The following GAB1 variants were observed in gnomAD, a reference collection of about 807,000 sequenced individuals.
The protein encoded by GAB1 is GRB2 associated binding protein 1.
A neutral mutation model predicts 66.5 loss-of-function variants in GAB1; 19 were observed. The observed-to-expected ratio is 0.29, with a 90% confidence interval of 0.20 to 0.42. The LOEUF (loss-of-function observed/expected upper bound fraction) is 0.42, where lower values mean the gene tolerates loss of function less well. Ranked by LOEUF, GAB1 falls within the 10% of genes least tolerant of loss-of-function variation. The probability of loss-of-function intolerance (pLI) is 1.00; values close to 1 mark genes in which losing one functional copy is unlikely to be tolerated. For missense variants in GAB1, 732 were observed against 858.5 expected (o/e 0.85, Z 1.84); for synonymous variants, 294 against 301.4 (o/e 0.98, Z 0.25).
At chr4:143,425,335 C>G (rs1451559652) in intron 2 of GAB1, 66 of 772,086 alleles carry the variant, frequency 8.5e-5, no homozygotes, top group South Asian at 8.3e-4. Context: ...GCCACTGGAG[C>G]CAATCCAATT....
chr4:143,439,952 C>T (rs1414277250), intron 5 of GAB1, 65 bp downstream of exon 5: 8 of 1,409,130 alleles, frequency 5.7e-6, no homozygotes, highest in Admixed American at 1.7e-5. Context: ...TAATTAGTGC[C>T]ATGAGACTAA....
rs1470537968 is a variant in GAB1 at position 143,472,680 on chromosome 4, G to C, written c.*3491G>C. 1 of 152,080 alleles carries C rather than the reference G, an allele frequency of 6.6e-6. No individual in the cohort carries two copies. Among genetic ancestry groups the C allele is most frequent in the African/African-American group, 2.4e-5 (1 of 41,414 alleles). 9.4% of individuals were successfully genotyped at this position (152,080 alleles called of 1,614,324 possible). On this transcript the variant is annotated 3_prime_UTR_variant, in exon 10 of 10. Coordinates refer to ENST00000262994, the MANE Select transcript of GAB1 (RefSeq NM_002039.4). ...TGGCCCTCTAATAATGCTGAGGTGGGCTGATCCTTCCCATTTCTGTCTTCG... is the reference window on the plus strand; with the variant it reads ...TGGCCCTCTAATAATGCTGAGGTGGCCTGATCCTTCCCATTTCTGTCTTCG...
At chr4:143,431,216 C>T (rs1733634056) in intron 2 of GAB1, among the ~76,000 whole-genome samples, 1 of 152,152 alleles carries the variant, frequency 6.6e-6, no homozygotes, top group Non-Finnish European at 1.5e-5. Flanking sequence ...CATGAAGCTT[C>T]TAAGGCCTAA....
intron 1 of GAB1, among the ~76,000 whole-genome samples, chr4:143,341,179 T>A (rs1193701053): frequency 6.6e-6 from 1 of 152,240 alleles, no homozygotes; most frequent in East Asian, 1.9e-4. Context: ...TTTCATGCTG[T>A]GTTATATATT....
At position 143,363,065 on chromosome 4, in the gene GAB1, C is replaced by T. The variant is rs543710376; in HGVS notation, c.72+25805C>T. 1.6e-4 allele frequency among the ~76,000 whole-genome samples: 24 copies of T among 152,282 alleles called. No individual in the cohort carries two copies. In the South Asian group the frequency reaches 5.0e-3, roughly 32 times the overall value. On this transcript the variant is annotated intron_variant, in intron 1 of 9. Transcript: ENST00000262994. ...AGGAACTGATGCTCAGAGTAACTTC[C>T]CAAAATCACACAGTGCATATGGCAG...
intron 1 of GAB1, among the ~76,000 whole-genome samples, chr4:143,367,665 A>C (rs976541725): frequency 1.4e-5 from 2 of 145,088 alleles, no homozygotes; most frequent in African/African-American, 5.1e-5. Context: ...ATGTTTTTTG[A>C]TGCCCTATTT....
chr4:143,423,792 GTATATATATATA>G (rs35559967), intron 2 of GAB1, among the ~76,000 whole-genome samples: 10,548 of 67,774 alleles, frequency 0.16, 1,251 homozygotes, highest in African/African-American at 0.29. Context: ...AAAAAAAAGT[GTATATATATATA>G]TATATATATA....
chr4:143,377,312 T>C (rs893454731), intron 1 of GAB1, among the ~76,000 whole-genome samples: 7 of 152,188 alleles, frequency 4.6e-5, no homozygotes, highest in Non-Finnish European at 1.0e-4. Flanking sequence ...CAACAATGCT[T>C]TGATTAGTTC....
At chr4:143,355,068 G>C (rs959903267) in intron 1 of GAB1, among the ~76,000 whole-genome samples, 1 of 152,090 alleles carries the variant, frequency 6.6e-6, no homozygotes, top group African/African-American at 2.4e-5. Context: ...GATTTTCTTC[G>C]AGATTTTTAT....
chr4:143,358,944 T>G (rs1729553432), intron 1 of GAB1, among the ~76,000 whole-genome samples: 2 of 152,234 alleles, frequency 1.3e-5, no homozygotes, highest in African/African-American at 4.8e-5. Context: ...TAGTAAGGTT[T>G]AACTTCTATC....
chr4:143,457,824 G>GT (rs1399699339), intron 6 of GAB1: 4 of 947,922 alleles, frequency 4.2e-6, no homozygotes, highest in African/African-American at 1.8e-5. Flanking sequence ...ATTTTGTAAT[G>GT]TTTTTTGTTT....
chr4:143,423,908 C>A, intron 2 of GAB1, among the ~76,000 whole-genome samples: 1 of 138,164 alleles, frequency 7.2e-6, no homozygotes, highest in Non-Finnish European at 1.5e-5. Flanking sequence ...GTCCTCTTTT[C>A]AGAAAATTGA....
At chr4:143,347,564 C>T (rs1035589543) in intron 1 of GAB1, among the ~76,000 whole-genome samples, 6 of 152,172 alleles carry the variant, frequency 3.9e-5, no homozygotes, top group Non-Finnish European at 4.4e-5. Flanking sequence ...AAATCCTTTC[C>T]GTCAGAGTGA....
intron 1 of GAB1, among the ~76,000 whole-genome samples, chr4:143,338,139 T>C (rs979845994): frequency 3.3e-5 from 5 of 152,238 alleles, no homozygotes; most frequent in African/African-American, 1.2e-4. Flanking sequence ...CTTGAAAGTA[T>C]CAACCTTGCT....
rs577555105 is a variant in GAB1, at chr4:143,352,519, CA to C, written c.72+15261del. ...CTTGTGTCATTTGGTTGGGAAAAAA[CA>C]AGGGTCTAGAGCAGTCAGTGGTCCT... is the stretch of plus-strand genomic sequence containing the variant. On this transcript the variant is annotated intron_variant, in intron 1 of 9. Coordinates refer to ENST00000262994, the MANE Select transcript of GAB1 (RefSeq NM_002039.4). Among the ~76,000 whole-genome samples, 8 of 152,250 alleles carry C rather than the reference CA, an allele frequency of 5.3e-5. No homozygotes were observed. The South Asian group carries it at 1.7e-3, about 32-fold the overall frequency.
chr4:143,346,893 G>A (rs1176647018), intron 1 of GAB1, among the ~76,000 whole-genome samples: 1 of 152,174 alleles, frequency 6.6e-6, no homozygotes, highest in Non-Finnish European at 1.5e-5. Context: ...TACCTCCAAA[G>A]AAAAAGGCAC....
intron 2 of GAB1, among the ~76,000 whole-genome samples, chr4:143,432,884 C>G (rs375779994): frequency 5.3e-5 from 8 of 152,076 alleles, no homozygotes; most frequent in Non-Finnish European, 7.4e-5. Flanking sequence ...TACAAAAATC[C>G]ACTAAATGGC....
intron 1 of GAB1, among the ~76,000 whole-genome samples, chr4:143,373,420 C>G (rs1223386478): frequency 6.6e-6 from 1 of 152,152 alleles, no homozygotes; most frequent in Non-Finnish European, 1.5e-5. Flanking sequence ...TAACTGTGAA[C>G]AGCCTTAATA....
intron 7 of GAB1, 47 bp from the exon 8 acceptor site, chr4:143,460,317 A>G: frequency 6.3e-7 from 1 of 1,587,680 alleles, no homozygotes; most frequent in East Asian, 2.2e-5. Flanking sequence ...ATAATTTTAG[A>G]TATTTTTGTC....
Sources: allele counts gnomAD v4.1 joint callset (sites outside exome capture counted in the v4.1 genomes callset), GRCh38; gene constraint gnomAD v4.1.1; transcripts MANE v1.5; gene names NCBI Gene and HGNC (gene_info 2026-07-23, HGNC 2026-07-21).